The following SAMMSON variants were observed in gnomAD, a reference collection of about 807,000 sequenced individuals.
SAMMSON encodes survival associated mitochondrial melanoma specific oncogenic non-coding RNA.
intron 4 of SAMMSON, among the ~76,000 whole-genome samples, chr3:70,170,242 G>A (rs1700924389): frequency 6.6e-6 from 1 of 151,792 alleles, no homozygotes; most frequent in African/African-American, 2.4e-5. Context: ...ATTTTGTGCA[G>A]ATGTAGGAAA....
At chr3:70,422,604 A>C (rs1701322141) in intron 2 of SAMMSON, among the ~76,000 whole-genome samples, 1 of 151,934 alleles carries the variant, frequency 6.6e-6, no homozygotes, top group African/African-American at 2.4e-5. Context: ...AAAAATTAAG[A>C]CTTTCTCATT....
chr3:70,035,508 G>T (rs2067082077), intron 3 of SAMMSON, among the ~76,000 whole-genome samples: 1 of 152,134 alleles, frequency 6.6e-6, no homozygotes, highest in African/African-American at 2.4e-5. Context: ...AATCCAGGGT[G>T]GCCATTTTAG....
At chr3:70,117,434 GAT>G in intron 4 of SAMMSON, among the ~76,000 whole-genome samples, 1 of 152,240 alleles carries the variant, frequency 6.6e-6, no homozygotes, top group East Asian at 1.9e-4. Flanking sequence ...CAATGAACTT[GAT>G]ATTATTTATC....
intron 4 of SAMMSON, among the ~76,000 whole-genome samples, chr3:70,117,179 CT>C (rs1243012214): frequency 6.6e-6 from 1 of 152,156 alleles, no homozygotes; most frequent in African/African-American, 2.4e-5. Context: ...CAAGGAAACT[CT>C]TTGCTCTTTC....
chr3:70,173,275 T>C (rs1052413415), intron 4 of SAMMSON, among the ~76,000 whole-genome samples: 2 of 151,976 alleles, frequency 1.3e-5, no homozygotes, highest in Admixed American at 6.6e-5. Flanking sequence ...TTTAAAGTAG[T>C]CTCTGTTCTG....
chr3:70,224,480 G>A (rs777822477), intron 4 of SAMMSON, among the ~76,000 whole-genome samples: 2 of 152,140 alleles, frequency 1.3e-5, no homozygotes, highest in Non-Finnish European at 2.9e-5. Flanking sequence ...TCATTCTCTT[G>A]TTGGCAGCAC....
chr3:70,184,462 A>C (rs75973125), intron 4 of SAMMSON, among the ~76,000 whole-genome samples: 3,461 of 152,328 alleles, frequency 0.023, 109 homozygotes, highest in African/African-American at 0.077. Context: ...TAGGTAAAGA[A>C]GGGTTTAACT....
intron 5 of SAMMSON, chr3:70,249,239 A>C (rs923899000): frequency 1.3e-5 from 2 of 152,134 alleles, no homozygotes; most frequent in African/African-American, 4.8e-5. Flanking sequence ...ATATTTACTA[A>C]CCGGTTTGAA....
chr3:70,054,684 T>C (rs959698363), intron 3 of SAMMSON, among the ~76,000 whole-genome samples: 3 of 152,108 alleles, frequency 2.0e-5, no homozygotes, highest in Admixed American at 6.6e-5. Flanking sequence ...TTGCAAACTC[T>C]GTTCTGTCCA....
intron 6 of SAMMSON, among the ~76,000 whole-genome samples, chr3:70,286,918 A>T (rs1226323708): frequency 6.6e-6 from 1 of 151,546 alleles, no homozygotes; most frequent in Non-Finnish European, 1.5e-5. Flanking sequence ...GTATCCTGAG[A>T]CTTTGCTGAA....
chr3:70,157,962 G>A (rs1364210400), intron 4 of SAMMSON, among the ~76,000 whole-genome samples: 2 of 152,028 alleles, frequency 1.3e-5, no homozygotes, highest in Admixed American at 6.6e-5. Context: ...TGTGTCTTGG[G>A]TAAGATAAAA....
At chr3:70,151,557 A>G (rs1365193682) in intron 4 of SAMMSON, among the ~76,000 whole-genome samples, 1 of 152,076 alleles carries the variant, frequency 6.6e-6, no homozygotes, top group African/African-American at 2.4e-5. Flanking sequence ...ACCACAAAAC[A>G]GAACCAATAG....
chr3:70,019,044 A>G (rs2066999257), intron 3 of SAMMSON, among the ~76,000 whole-genome samples: 1 of 152,210 alleles, frequency 6.6e-6, no homozygotes, highest in African/African-American at 2.4e-5. Flanking sequence ...GGTGCTGAGA[A>G]GAATGTATAT....
chr3:70,063,087 C>A (rs35991560), intron 3 of SAMMSON, among the ~76,000 whole-genome samples: 12 of 150,884 alleles, frequency 8.0e-5, no homozygotes, highest in Admixed American at 6.0e-4. Flanking sequence ...TGTCACCAGC[C>A]CCCCCCACCC....
At chr3:70,387,203 A>C (rs1358986226) in intron 9 of SAMMSON, among the ~76,000 whole-genome samples, 1 of 152,096 alleles carries the variant, frequency 6.6e-6, no homozygotes, top group Non-Finnish European at 1.5e-5. Flanking sequence ...TTAAGCAGTT[A>C]TTGTCACAGT....
At chr3:70,138,008 T>C (rs1256318237) in intron 4 of SAMMSON, among the ~76,000 whole-genome samples, 3 of 152,142 alleles carry the variant, frequency 2.0e-5, no homozygotes, top group Non-Finnish European at 2.9e-5. Flanking sequence ...TTGGTATCCT[T>C]ATAAATATTT....
At chr3:70,022,030 A>G (rs1014453871) in intron 3 of SAMMSON, among the ~76,000 whole-genome samples, 12 of 152,132 alleles carry the variant, frequency 7.9e-5, no homozygotes, top group African/African-American at 2.9e-4. Context: ...AGCGTTTCAC[A>G]TCACCTGCTG....
At chr3:70,420,184 A>G (rs1051651671) in intron 2 of SAMMSON, among the ~76,000 whole-genome samples, 2 of 152,160 alleles carry the variant, frequency 1.3e-5, no homozygotes, top group African/African-American at 4.8e-5. Context: ...GCTGTCTCAC[A>G]GGTCCTCTTA....
At chr3:70,107,269 G>T (rs1414911717) in intron 4 of SAMMSON, among the ~76,000 whole-genome samples, 1 of 152,188 alleles carries the variant, frequency 6.6e-6, no homozygotes, top group Non-Finnish European at 1.5e-5. Context: ...ATTAGGCCTT[G>T]AATTAGTTAC....
Sources: allele counts gnomAD v4.1 joint callset (sites outside exome capture counted in the v4.1 genomes callset), GRCh38; gene constraint gnomAD v4.1.1; transcripts MANE v1.5; gene names NCBI Gene and HGNC (gene_info 2026-07-23, HGNC 2026-07-21).